Variants in SPMIP7 observed in about 807,000 individuals in gnomAD.
SPMIP7 encodes the protein sperm microtubule inner protein 7, also known as protein SPMIP7.
At chr7:50,143,263 C>A in the SPMIP7 span, among the ~76,000 whole-genome samples, 1 of 150,062 alleles carries the variant, frequency 6.7e-6, no homozygotes, top group African/African-American at 2.5e-5. Flanking sequence ...CTCCCGGGTT[C>A]AAGTGATTCT....
chr7:50,151,046 T>A, the SPMIP7 span, among the ~76,000 whole-genome samples: 1 of 152,168 alleles, frequency 6.6e-6, no homozygotes, highest in Admixed American at 6.5e-5. Flanking sequence ...AATGTAAGAG[T>A]GTATATTCAT....
chr7:50,117,046 CACATTTTCCCTA>C, the SPMIP7 span, among the ~76,000 whole-genome samples: 22 of 152,260 alleles, frequency 1.4e-4, no homozygotes, highest in Admixed American at 2.6e-4. Context: ...TTCTGGGTCC[CACATTTTCCCTA>C]ATGGCCTCAC....
the SPMIP7 span, among the ~76,000 whole-genome samples, chr7:50,106,205 ACT>A: frequency 6.6e-6 from 1 of 152,156 alleles, no homozygotes; most frequent in African/African-American, 2.4e-5. Flanking sequence ...AAGAGGATAG[ACT>A]CTCTAAAATT....
chr7:50,104,704 G>A, the SPMIP7 span, among the ~76,000 whole-genome samples: 1 of 152,106 alleles, frequency 6.6e-6, no homozygotes, highest in Non-Finnish European at 1.5e-5. Flanking sequence ...ATTCCCAGTA[G>A]CAATGAGTGA....
the SPMIP7 span, among the ~76,000 whole-genome samples, chr7:50,152,879 G>T: frequency 1.3e-5 from 2 of 152,038 alleles, no homozygotes; most frequent in African/African-American, 4.8e-5. Context: ...TAGAGACAGG[G>T]TTTCCCCATG....
At chr7:50,114,394 G>T in the SPMIP7 span, among the ~76,000 whole-genome samples, 8 of 152,066 alleles carry the variant, frequency 5.3e-5, no homozygotes, top group African/African-American at 7.2e-5. Context: ...AGCATATGCT[G>T]TTTAAATTTT....
At chr7:50,105,488 C>G in the SPMIP7 span, among the ~76,000 whole-genome samples, 4 of 152,082 alleles carry the variant, frequency 2.6e-5, no homozygotes, top group Admixed American at 2.6e-4. Context: ...TCACCTTTTC[C>G]TTCACAATAA....
At chr7:50,145,616 GTGTATATA>G in the SPMIP7 span, among the ~76,000 whole-genome samples, 14 of 26,946 alleles carry the variant, frequency 5.2e-4, no homozygotes, top group African/African-American at 1.1e-3. Context: ...GTATATGTGT[GTGTATATA>G]TATATATATA....
the SPMIP7 span, among the ~76,000 whole-genome samples, chr7:50,104,000 C>T: frequency 6.6e-6 from 1 of 152,150 alleles, no homozygotes; most frequent in Admixed American, 6.6e-5. Flanking sequence ...TGCATAATAA[C>T]CAGACCCCTC....
chr7:50,150,410 A>G, the SPMIP7 span, among the ~76,000 whole-genome samples: 1 of 152,322 alleles, frequency 6.6e-6, no homozygotes, highest in Admixed American at 6.5e-5. Flanking sequence ...CAAGTTCATG[A>G]TGGTGGCCTT....
At chr7:50,157,692 C>T in the SPMIP7 span, among the ~76,000 whole-genome samples, 1 of 152,166 alleles carries the variant, frequency 6.6e-6, no homozygotes, top group Non-Finnish European at 1.5e-5. Context: ...CTAATACAAG[C>T]ACTGCATTGT....
chr7:50,131,747 C>A, the SPMIP7 span, among the ~76,000 whole-genome samples: 1 of 152,044 alleles, frequency 6.6e-6, no homozygotes, highest in African/African-American at 2.4e-5. Flanking sequence ...GCAAATAGGT[C>A]AAGTGGGATG....
At chr7:50,096,970 C>G in the SPMIP7 span, among the ~76,000 whole-genome samples, 1 of 152,154 alleles carries the variant, frequency 6.6e-6, no homozygotes, top group Non-Finnish European at 1.5e-5. Flanking sequence ...CCTTATCTGT[C>G]TCTCTCCTTT....
the SPMIP7 span, among the ~76,000 whole-genome samples, chr7:50,149,419 C>T: frequency 6.6e-6 from 1 of 152,198 alleles, no homozygotes; most frequent in African/African-American, 2.4e-5. Flanking sequence ...CTCTAATCCC[C>T]AGAGTGCCCC....
chr7:50,096,769 A>G, the SPMIP7 span: 1 of 730,094 alleles, frequency 1.4e-6, no homozygotes. Context: ...TTTTTAAATT[A>G]CAGATTATAA....
At chr7:50,110,576 A>T in the SPMIP7 span, among the ~76,000 whole-genome samples, 1 of 142,862 alleles carries the variant, frequency 7.0e-6, no homozygotes, top group Non-Finnish European at 1.5e-5. Flanking sequence ...TATAATATTT[A>T]CTACATTTAC....
the SPMIP7 span, among the ~76,000 whole-genome samples, chr7:50,124,230 AAAT>A: frequency 6.6e-6 from 1 of 152,136 alleles, no homozygotes; most frequent in African/African-American, 2.4e-5. Context: ...CAAAGGTTCA[AAAT>A]ACTTGAGGCA....
the SPMIP7 span, among the ~76,000 whole-genome samples, chr7:50,108,597 T>G: frequency 6.6e-6 from 1 of 152,146 alleles, no homozygotes; most frequent in Admixed American, 6.5e-5. Context: ...TAGTTGTCTC[T>G]TTGATAAAGG....
the SPMIP7 span, among the ~76,000 whole-genome samples, chr7:50,157,807 C>T: frequency 1.7e-4 from 26 of 152,232 alleles, no homozygotes; most frequent in African/African-American, 2.6e-4. Flanking sequence ...ACTAGGATAG[C>T]CATCTCCAGG....
Sources: gnomAD v4.1 joint callset for allele counts (sites outside exome capture counted in the v4.1 genomes callset) on GRCh38, gnomAD v4.1.1 for gene constraint, MANE v1.5 for transcripts, NCBI Gene and HGNC (gene_info 2026-07-23, HGNC 2026-07-21) for gene names.